The following RNF6 variants were observed in gnomAD, a reference collection of about 807,000 sequenced individuals.
RNF6 encodes E3 ubiquitin-protein ligase RNF6.
RNF6 carries 21 observed loss-of-function variants against 50.1 expected under a neutral mutation model. The observed-to-expected ratio is 0.42, with a 90% CI of 0.30 to 0.60. The LOEUF (loss-of-function observed/expected upper bound fraction) is 0.60. RNF6 is among the 20% of genes least tolerant of loss of function. The pLI, the probability that RNF6 is intolerant of heterozygous loss-of-function variation, is 0.20. For synonymous variants in RNF6, 255 were observed against 291.8 expected, an observed-to-expected ratio of 0.87 and a Z score of 1.29; for missense variants, 698 against 838.2, an observed-to-expected ratio of 0.83 and a Z score of 2.07.
At chr13:26,174,504 A>C (rs1323172001) in intron 5 of RNF6, among the ~76,000 whole-genome samples, 1 of 151,554 alleles carries the variant, frequency 6.6e-6, no homozygotes, top group Non-Finnish European at 1.5e-5. Context: ...TACAAAAAAA[A>C]AATTAGCTGA....
intron 5 of RNF6, among the ~76,000 whole-genome samples, chr13:26,175,144 G>A (rs1872889891): frequency 1.3e-5 from 2 of 152,060 alleles, no homozygotes; most frequent in African/African-American, 2.4e-5. Context: ...GCAATGGCGT[G>A]ATCTCGGCTC....
At chr13:26,203,851 A>G (rs1195369166) in intron 5 of RNF6, among the ~76,000 whole-genome samples, 1 of 152,174 alleles carries the variant, frequency 6.6e-6, no homozygotes, top group Non-Finnish European at 1.5e-5. Flanking sequence ...AGTCCCAGCT[A>G]CTGAGGCAGG....
Position 26,199,625 on chromosome 13 carries a change from G to A in RNF6, n.768+15849C>T, listed in dbSNP as rs12430404. 9.6e-3 allele frequency among the ~76,000 whole-genome samples: 1,464 copies of A among 152,038 alleles called. 38 individuals are homozygous for A. Among genetic ancestry groups the A allele is most frequent in the Admixed American group, 0.061 (937 of 15,264 alleles). On this transcript the variant is annotated intron_variant and non_coding_transcript_variant, in intron 5 of 5. Transcript: ENST00000468480. The stretch of plus-strand genomic sequence containing the variant: ...TGAGAGGATAAAACATATATCTACA[G>A]ACATATATTTGTATATGTATGTAGA...
chr13:26,171,979 C>A (rs958995791), intron 5 of RNF6, among the ~76,000 whole-genome samples: 75 of 152,094 alleles, frequency 4.9e-4, no homozygotes, highest in African/African-American at 1.7e-3. Context: ...TTTGAAATAA[C>A]GGTGATAAGT....
rs758233832 is a variant in RNF6, at chr13:26,214,642, G to C, written c.1240C>G (p.Arg414Gly). The C allele has an allele frequency of 3.1e-6, 5 of 1,614,018 alleles. No individual in the cohort carries two copies. Among genetic ancestry groups the C allele is most frequent in the East Asian group, 4.5e-5 (2 of 44,896 alleles). The change falls in exon 5 of 5, where the codon CGG (arginine) becomes GGG (glycine). Residue 414 changes from arginine (R) to glycine (G), a missense_variant. Physicochemically the swap from Arg to Gly is moderately radical, Grantham distance 125 (BLOSUM62 -2). Coordinates refer to ENST00000381588, the MANE Select transcript of RNF6 (RefSeq NM_005977.4). ...CGAGTTCTATTTGCAATACTATCCCGATCTCTATTTTCTCCAGGACGGATC... is the reference window on the plus strand; with the variant it reads ...CGAGTTCTATTTGCAATACTATCCCCATCTCTATTTTCTCCAGGACGGATC... ...RRIRPGENRD[R>G]DSIANRTRSR...
chr13:26,194,585 T>A (rs1310715909), intron 5 of RNF6, among the ~76,000 whole-genome samples: 1 of 152,072 alleles, frequency 6.6e-6, no homozygotes, highest in Admixed American at 6.6e-5. Flanking sequence ...TACTAAAATA[T>A]TTGAAGATAT....
At chr13:26,175,929 G>A (rs910186338) in intron 5 of RNF6, among the ~76,000 whole-genome samples, 5 of 151,984 alleles carry the variant, frequency 3.3e-5, no homozygotes, top group Admixed American at 6.6e-5. Flanking sequence ...AAACAAGCAG[G>A]GGGTGGAGGA....
In RNF6 at chr13:26,219,991, C is replaced by T. The variant is rs181891839; in HGVS notation, c.-18-324G>A. On this transcript the variant is annotated intron_variant, in intron 2 of 4. Coordinates refer to ENST00000381588, the MANE Select transcript of RNF6 (RefSeq NM_005977.4). ...ATCTGGAAAAGTTGATCCAGAAGTC[C>T]TCATTTATGTTTCAGGATCTGGGTA... 1.8e-4 allele frequency among the ~76,000 whole-genome samples: 27 copies of T among 152,260 alleles called. No individual in the cohort carries two copies. In the East Asian group the frequency reaches 4.8e-3, roughly 27 times the overall value.
chr13:26,205,706 C>A (rs1869078676), intron 5 of RNF6, among the ~76,000 whole-genome samples: 1 of 152,228 alleles, frequency 6.6e-6, no homozygotes, highest in African/African-American at 2.4e-5. Context: ...TAAATCCTTT[C>A]TCTTTGTTAA....
chr13:26,220,278 A>C (rs1870342589), intron 2 of RNF6, among the ~76,000 whole-genome samples: 1 of 152,182 alleles, frequency 6.6e-6, no homozygotes, highest in Non-Finnish European at 1.5e-5. Context: ...AGGAAACAAG[A>C]CATCATGTAT....
chr13:26,205,655 A>G (rs1302743749), intron 5 of RNF6, among the ~76,000 whole-genome samples: 1 of 152,258 alleles, frequency 6.6e-6, no homozygotes, highest in Non-Finnish European at 1.5e-5. Flanking sequence ...AAACAACTCT[A>G]CTATCAACCA....
At position 26,136,858 on chromosome 13, in the gene RNF6, T is replaced by G. The variant is rs576181861; in HGVS notation, n.769-4407A>C. Among the ~76,000 whole-genome samples, 7 of 152,294 alleles carry G rather than the reference T, an allele frequency of 4.6e-5. No individual in the cohort carries two copies. The South Asian group carries it at 1.4e-3, about 32-fold the overall frequency. On this transcript the variant is annotated intron_variant and non_coding_transcript_variant, in intron 5 of 5. Transcript: ENST00000468480. ...ACTGGCAAAAGTCATCAGAATCAAC[T>G]TTTTCAAAGCCGTGAAAATGAACCA...
intron 2 of RNF6, among the ~76,000 whole-genome samples, chr13:26,220,606 C>T (rs1173368255): frequency 2.0e-5 from 3 of 152,064 alleles, no homozygotes; most frequent in Admixed American, 1.3e-4. Flanking sequence ...ATCTAGATGC[C>T]CAAATCTCAT....
At chr13:26,176,697 C>T (rs1872971661) in intron 5 of RNF6, among the ~76,000 whole-genome samples, 1 of 152,180 alleles carries the variant, frequency 6.6e-6, no homozygotes, top group Non-Finnish European at 1.5e-5. Context: ...CTTTGGGAGG[C>T]CGAGGCAGGT....
chr13:26,206,692 G>A (rs1056484722), intron 5 of RNF6, among the ~76,000 whole-genome samples: 3 of 152,136 alleles, frequency 2.0e-5, no homozygotes, highest in African/African-American at 4.8e-5. Flanking sequence ...TAATGTAGAA[G>A]CTATTTGTAA....
intron 5 of RNF6, among the ~76,000 whole-genome samples, chr13:26,155,488 AG>A (rs1871868235): frequency 1.3e-5 from 2 of 152,166 alleles, no homozygotes; most frequent in African/African-American, 4.8e-5. Flanking sequence ...AATATAGAAC[AG>A]GGTTCAGGAT....
At chr13:26,185,461 A>T (rs1225494398) in intron 5 of RNF6, among the ~76,000 whole-genome samples, 1 of 152,010 alleles carries the variant, frequency 6.6e-6, no homozygotes, top group African/African-American at 2.4e-5. Flanking sequence ...AAAAGTTGTT[A>T]CTTGGCTGGG....
intron 5 of RNF6, among the ~76,000 whole-genome samples, chr13:26,138,932 C>T (rs1369838): frequency 1.5e-4 from 23 of 152,074 alleles, no homozygotes; most frequent in African/African-American, 3.1e-4. Context: ...TCTGGTCAGA[C>T]GGGTATCCTC....
chr13:26,140,406 A>G (rs1870875097), intron 5 of RNF6, among the ~76,000 whole-genome samples: 1 of 152,246 alleles, frequency 6.6e-6, no homozygotes, highest in Admixed American at 6.5e-5. Flanking sequence ...GTGAGTGATC[A>G]TCTCATTAGA....
Sources: allele counts gnomAD v4.1 joint callset (sites outside exome capture counted in the v4.1 genomes callset), GRCh38; gene constraint gnomAD v4.1.1; transcripts MANE v1.5; gene names NCBI Gene and HGNC (gene_info 2026-07-23, HGNC 2026-07-21).